RREB1: variants seen among roughly 807,000 people sequenced by gnomAD.
The protein encoded by RREB1 is ras-responsive element-binding protein 1.
Under a neutral mutation model 117.8 loss-of-function variants are expected in RREB1, and 27 were observed. The observed-to-expected ratio is 0.23, with a 90% CI of 0.17 to 0.32. The LOEUF (loss-of-function observed/expected upper bound fraction) is 0.32. RREB1 is among the 10% of genes least tolerant of loss of function. RREB1 has a pLI of 1.00. For missense variants in RREB1, 2,577 were observed against 2,378.2 expected (o/e 1.08, Z -1.74); for synonymous variants, 1,298 against 1,026.7 (o/e 1.26, Z -5.05).
chr6:7,134,039 G>T (rs1235651941), intron 1 of RREB1, among the ~76,000 whole-genome samples: 1 of 152,140 alleles, frequency 6.6e-6, no homozygotes, highest in Non-Finnish European at 1.5e-5. Context: ...ATTTTGGGGG[G>T]CAGGGTCATA....
chr6:7,247,077 A>T lies in RREB1; in HGVS notation c.4627A>T (p.Lys1543Ter). ...ESAAEKRSSE[K>*]SDDDKKPKTD... is the part of the protein sequence containing the mutation. ...CGCGGCCGAGAAAAGGTCCTCAGAG[A>T]AGAGCGACGATGACAAGAAACCAAA... Residue 1543 changes from lysine (K) to a stop codon, truncating the protein, a stop_gained, in exon 12 of 13, where the codon AAG becomes TAG. Coordinates refer to ENST00000379938, the MANE Select transcript of RREB1 (RefSeq NM_001003699.4). LOFTEE classifies it high-confidence loss of function. 1 of 1,613,654 alleles carries T rather than the reference A, an allele frequency of 6.2e-7. No individual in the cohort carries two copies. The highest frequency in any genetic ancestry group is 1.7e-5 in the Admixed American group (1 of 60,026).
chr6:7,142,852 TTC>T (rs1346819706), intron 1 of RREB1, among the ~76,000 whole-genome samples: 14 of 152,230 alleles, frequency 9.2e-5, no homozygotes, highest in South Asian at 4.1e-4. Context: ...TTAATAGTGA[TTC>T]TTCATTCTTC....
In RREB1 at chr6:7,231,837, C is replaced by A. The variant is rs766780337; in HGVS notation, c.3738C>A (p.Ile1246=). ...RNSYTNCLQK[I]TCPHCPRVFP... The stretch of plus-strand genomic sequence containing the variant: ...CGTACACCAACTGCCTGCAGAAGAT[C>A]ACCTGTCCCCACTGTCCCCGGGTTT... The change falls in exon 10 of 13, where the codon ATC becomes ATA. Residue 1246 remains isoleucine, a synonymous_variant. Coordinates refer to ENST00000379938, the MANE Select transcript of RREB1 (RefSeq NM_001003699.4). 2 of 1,613,696 alleles carry A rather than the reference C, an allele frequency of 1.2e-6. No individual in the cohort carries two copies. Among genetic ancestry groups the A allele is most frequent in the South Asian group, 1.1e-5 (1 of 91,082 alleles).
At chr6:7,145,966 C>T (rs1438602691) in intron 1 of RREB1, among the ~76,000 whole-genome samples, 2 of 137,858 alleles carry the variant, frequency 1.5e-5, no homozygotes, top group African/African-American at 6.2e-5. Flanking sequence ...CCAGTGCCTT[C>T]CTCTCTCTTT....
chr6:7,132,566 A>T (rs1205329936), intron 1 of RREB1, among the ~76,000 whole-genome samples: 1 of 152,238 alleles, frequency 6.6e-6, no homozygotes, highest in African/African-American at 2.4e-5. Flanking sequence ...TGTTGAAGGA[A>T]TGAATGCGGT....
In RREB1 at chr6:7,229,131, T is replaced by A; in HGVS notation, c.1032T>A (p.Gly344=). 1 of 1,606,744 alleles carries A rather than the reference T, an allele frequency of 6.2e-7. No individual in the cohort carries two copies. Among genetic ancestry groups the A allele is most frequent in the South Asian group, 1.1e-5 (1 of 90,586 alleles). ...AGACCCATGTGGCGGCAGACCAGGG[T>A]CAAGAAAAGCCGCAGGCCACGCCCC... ...HKQTHVAADQ[G]QEKPQATPLP... is the part of the protein sequence containing the mutation. The change falls in exon 10 of 13, where the codon GGT becomes GGA. Residue 344 remains glycine (G), a synonymous_variant. Transcript: ENST00000379938. This position sits in a 1 kb window ranked among gnomAD's most constrained non-coding sequence, Gnocchi z 4.5.
intron 1 of RREB1, among the ~76,000 whole-genome samples, chr6:7,126,018 T>TG (rs2113333894): frequency 6.6e-6 from 1 of 152,062 alleles, no homozygotes; most frequent in African/African-American, 2.4e-5. Flanking sequence ...TTTGTTTGTT[T>TG]TGAGACGGAG....
At chr6:7,188,760 T>TGA in intron 5 of RREB1, among the ~76,000 whole-genome samples, 1 of 152,216 alleles carries the variant, frequency 6.6e-6, no homozygotes, top group East Asian at 1.9e-4. Context: ...ACGGCAGGCC[T>TGA]GAGTCATCAA....
intron 1 of RREB1, among the ~76,000 whole-genome samples, chr6:7,160,122 A>ATT (rs11415104): frequency 6.1e-4 from 90 of 146,638 alleles, no homozygotes; most frequent in Middle Eastern, 7.0e-3. Flanking sequence ...TCTTTTTTGC[A>ATT]TTTTTTTTTT....
At chr6:7,166,107 C>A (rs1440137733) in intron 1 of RREB1, among the ~76,000 whole-genome samples, 1 of 152,182 alleles carries the variant, frequency 6.6e-6, no homozygotes, top group Non-Finnish European at 1.5e-5. Flanking sequence ...TAATCACCGC[C>A]TGGAGAGCCT....
chr6:7,202,197 A>G (rs1766025289), intron 6 of RREB1, among the ~76,000 whole-genome samples: 1 of 151,326 alleles, frequency 6.6e-6, no homozygotes, highest in African/African-American at 2.4e-5. Context: ...GGCACCTTCC[A>G]CTTCCCTTGT....
intron 1 of RREB1, among the ~76,000 whole-genome samples, chr6:7,171,307 G>C (rs531814463): frequency 4.6e-5 from 7 of 152,138 alleles, no homozygotes; most frequent in African/African-American, 7.2e-5. Flanking sequence ...AGAGGTGAAG[G>C]GGGAGGAGAG....
chr6:7,133,149 G>A lies in RREB1; in HGVS notation c.-285+25089G>A, dbSNP rs934467324. Among the ~76,000 whole-genome samples the A allele has an allele frequency of 4.6e-5, 7 of 152,100 alleles. No homozygotes were observed. The South Asian group carries it at 6.2e-4, about 14-fold the overall frequency. On this transcript the variant is annotated intron_variant, in intron 1 of 12. Transcript: ENST00000379938. ...AAGGGGCCTCAGGGAAGCATGGTTC[G>A]TTTCTTTTCCTTATACCTCCTTAGC...
intron 8 of RREB1, 135 bp downstream of exon 8, chr6:7,211,844 A>G (rs1329886219): frequency 1.0e-6 from 1 of 957,006 alleles, no homozygotes; most frequent in South Asian, 1.6e-5. Flanking sequence ...GGCAGTTAAG[A>G]AAGTATCGGT....
chr6:7,194,956 C>T (rs112985262), intron 6 of RREB1, among the ~76,000 whole-genome samples: 6 of 152,162 alleles, frequency 3.9e-5, no homozygotes, highest in Non-Finnish European at 5.9e-5. Flanking sequence ...TAGTATTATC[C>T]GTACCTACCG....
intron 10 of RREB1, among the ~76,000 whole-genome samples, chr6:7,235,452 G>A (rs1768257005): frequency 1.3e-5 from 2 of 152,224 alleles, no homozygotes; most frequent in African/African-American, 4.8e-5. Context: ...AAACAAAGGT[G>A]TTATTCGGAG....
Position 7,117,388 on chromosome 6 carries a change from G to GTTTTTTTTTTTTTTTTT in RREB1, c.-285+9349_-285+9365dup, listed in dbSNP as rs70978941. On this transcript the variant is annotated intron_variant, in intron 1 of 12. Transcript: ENST00000379938. ...GGTGAACCATGTGAATAGGTTTCCTGTTTTTTTTTTTTTTTTTTTTTTTTT... is the reference window on the plus strand; with the variant it reads ...GGTGAACCATGTGAATAGGTTTCCTGTTTTTTTTTTTTTTTTTTTTTTTTTTTTTTTTTTTTTTTTTT... Among the ~76,000 whole-genome samples the GTTTTTTTTTTTTTTTTT allele has an allele frequency of 3.8e-4, 24 of 63,294 alleles. 1 individual carries two copies. The highest frequency in any genetic ancestry group is 6.6e-4 in the Admixed American group (3 of 4,540). The allele number at this position is 63,294 out of a possible 152,430, so 41.5% of individuals were successfully genotyped here. A position where few individuals can be genotyped will look rare whatever the true frequency, so the allele number is the denominator to read the frequency against.
chr6:7,132,091 G>C (rs918773628), intron 1 of RREB1, among the ~76,000 whole-genome samples: 1 of 152,134 alleles, frequency 6.6e-6, no homozygotes, highest in Non-Finnish European at 1.5e-5. Context: ...TTTTGCTCTT[G>C]TTGCCCAGGC....
chr6:7,150,544 T>C (rs1022466015), intron 1 of RREB1, among the ~76,000 whole-genome samples: 1 of 150,712 alleles, frequency 6.6e-6, no homozygotes, highest in Non-Finnish European at 1.5e-5. Context: ...GAAAGTATTC[T>C]CTTGTTGTAT....
Sources: allele counts gnomAD v4.1 joint callset (sites outside exome capture counted in the v4.1 genomes callset), GRCh38; gene constraint gnomAD v4.1.1; non-coding constraint Gnocchi (gnomAD v3.1); transcripts MANE v1.5; gene names NCBI Gene and HGNC (gene_info 2026-07-23, HGNC 2026-07-21).